GPC5: variants seen among roughly 807,000 people sequenced by gnomAD.
GPC5 encodes the protein glypican-5.
Under a neutral mutation model 53.9 loss-of-function variants are expected in GPC5, and 47 were observed. The ratio of observed to expected loss-of-function variants is 0.87; its 90% CI spans 0.69 to 1.11. GPC5 has a LOEUF of 1.11. GPC5 is among the 50% of genes most tolerant of loss of function. The pLI is 0.00. For synonymous variants in GPC5, 286 were observed against 263.3 expected (o/e 1.09, Z -0.84); for missense variants, 748 against 713.1 (o/e 1.05, Z -0.56).
intron 7 of GPC5, among the ~76,000 whole-genome samples, chr13:92,646,477 A>G (rs764186511): frequency 6.6e-6 from 1 of 152,124 alleles, no homozygotes; most frequent in Non-Finnish European, 1.5e-5. Flanking sequence ...GTTCTTTAAA[A>G]TAGTGTTTTA....
intron 7 of GPC5, among the ~76,000 whole-genome samples, chr13:92,754,739 T>C (rs991035504): frequency 5.3e-5 from 8 of 151,526 alleles, no homozygotes; most frequent in Admixed American, 2.6e-4. Flanking sequence ...AAGAAGGCCA[T>C]TACATAATGG....
At chr13:91,708,963 T>A (rs2036168599) in intron 3 of GPC5, among the ~76,000 whole-genome samples, 1 of 152,242 alleles carries the variant, frequency 6.6e-6, no homozygotes, top group Non-Finnish European at 1.5e-5. Flanking sequence ...TCAAAGGTTT[T>A]GTTTGTTTTC....
At chr13:91,547,469 T>A (rs983763619) in intron 2 of GPC5, among the ~76,000 whole-genome samples, 1 of 152,096 alleles carries the variant, frequency 6.6e-6, no homozygotes, top group African/African-American at 2.4e-5. Flanking sequence ...ACAACCTGAA[T>A]ATGCCTATAT....
At chr13:92,090,871 G>A (rs564781697) in intron 6 of GPC5, among the ~76,000 whole-genome samples, 1 of 152,290 alleles carries the variant, frequency 6.6e-6, no homozygotes, top group African/African-American at 2.4e-5. Flanking sequence ...AAAAATTTTT[G>A]TCTGGTTAAG....
chr13:91,645,588 CA>C (rs2034538748), intron 2 of GPC5, among the ~76,000 whole-genome samples: 1 of 152,168 alleles, frequency 6.6e-6, no homozygotes, highest in Non-Finnish European at 1.5e-5. Context: ...TAAATGACTA[CA>C]AATTTACGTA....
chr13:91,764,703 T>C (rs2037487271), intron 5 of GPC5, among the ~76,000 whole-genome samples: 1 of 152,164 alleles, frequency 6.6e-6, no homozygotes, highest in Admixed American at 6.5e-5. Context: ...TATGTGAACC[T>C]TTTCAGGTTC....
intron 1 of GPC5, among the ~76,000 whole-genome samples, chr13:91,423,799 A>G (rs1478211559): frequency 2.0e-5 from 3 of 152,250 alleles, no homozygotes; most frequent in Non-Finnish European, 4.4e-5. Flanking sequence ...TTATTCCACA[A>G]TGTATACAGG....
chr13:92,060,383 A>T (rs1470407690), intron 6 of GPC5, among the ~76,000 whole-genome samples: 1 of 152,096 alleles, frequency 6.6e-6, no homozygotes, highest in Non-Finnish European at 1.5e-5. Context: ...ATTTTTCCTC[A>T]TATAACCATA....
intron 4 of GPC5, among the ~76,000 whole-genome samples, chr13:91,738,827 C>A (rs1391035776): frequency 1.3e-5 from 2 of 151,198 alleles, no homozygotes; most frequent in Non-Finnish European, 2.9e-5. Flanking sequence ...ATTTTACCAA[C>A]AAATAGCTTA....
At chr13:92,394,616 TA>T (rs1160479560) in intron 7 of GPC5, among the ~76,000 whole-genome samples, 4 of 152,182 alleles carry the variant, frequency 2.6e-5, no homozygotes, top group Non-Finnish European at 5.9e-5. Context: ...CCACCCAGTC[TA>T]TGGTACCTGT....
At chr13:91,670,764 G>A (rs2035226333) in intron 2 of GPC5, among the ~76,000 whole-genome samples, 1 of 152,168 alleles carries the variant, frequency 6.6e-6, no homozygotes, top group Non-Finnish European at 1.5e-5. Context: ...TTCTGGGGCT[G>A]TCCTTAGTCT....
At chr13:91,524,899 G>T (rs1886012994) in intron 2 of GPC5, among the ~76,000 whole-genome samples, 1 of 152,090 alleles carries the variant, frequency 6.6e-6, no homozygotes, top group Admixed American at 6.6e-5. Flanking sequence ...TACATGCAAG[G>T]CTACCACATT....
chr13:91,507,829 T>C (rs1248069587), intron 2 of GPC5, among the ~76,000 whole-genome samples: 6 of 152,218 alleles, frequency 3.9e-5, no homozygotes, highest in Non-Finnish European at 1.5e-5. Context: ...AAGGTGAAAT[T>C]ATATCATATA....
At chr13:92,110,595 C>G (rs1195793335) in intron 6 of GPC5, among the ~76,000 whole-genome samples, 1 of 151,568 alleles carries the variant, frequency 6.6e-6, no homozygotes, top group East Asian at 1.9e-4. Flanking sequence ...TGGTACTTGC[C>G]ATTTAGTAGT....
At chr13:91,902,582 CTTT>C (rs958021925) in intron 5 of GPC5, among the ~76,000 whole-genome samples, 12 of 151,932 alleles carry the variant, frequency 7.9e-5, no homozygotes, top group African/African-American at 2.9e-4. Flanking sequence ...TTATTCCATC[CTTT>C]TCATTGTAAT....
At chr13:92,055,286 C>T (rs1254512332) in intron 6 of GPC5, among the ~76,000 whole-genome samples, 1 of 152,056 alleles carries the variant, frequency 6.6e-6, no homozygotes, top group Non-Finnish European at 1.5e-5. Context: ...AATTAAGTGA[C>T]TTTGTATTTT....
rs556907543 is a variant in GPC5, at chr13:91,565,107, A to G, written c.325+116185A>G. Among the ~76,000 whole-genome samples, 10 of 151,980 alleles carry G rather than the reference A, an allele frequency of 6.6e-5. No homozygotes were observed. In the East Asian group the frequency reaches 1.9e-3, roughly 29 times the overall value. On this transcript the variant is annotated intron_variant, in intron 2 of 7. Transcript: ENST00000377067. ...TGGGTTCAAGCAATTCTCCTGCCTC[A>G]GCCTCCCAAGTAGCTGGGATTATAG...
chr13:91,713,671 A>G (rs2036276108), intron 3 of GPC5, among the ~76,000 whole-genome samples: 1 of 152,144 alleles, frequency 6.6e-6, no homozygotes. Flanking sequence ...AGAATGTCAC[A>G]AAGACTCTTT....
intron 6 of GPC5, among the ~76,000 whole-genome samples, chr13:92,126,837 T>C (rs1387938311): frequency 6.7e-6 from 1 of 150,310 alleles, no homozygotes; most frequent in African/African-American, 2.4e-5. Context: ...TGTGTGTGTA[T>C]GTATGCATGT....
Sources: gnomAD v4.1 joint callset for allele counts (sites outside exome capture counted in the v4.1 genomes callset) on GRCh38, gnomAD v4.1.1 for gene constraint, MANE v1.5 for transcripts, NCBI Gene and HGNC (gene_info 2026-07-23, HGNC 2026-07-21) for gene names.